Variants in FBXO45 observed in about 807,000 individuals in gnomAD.
The protein encoded by FBXO45 is F-box protein 45, also known as F-box/SPRY domain-containing protein 1.
A neutral mutation model predicts 25.5 loss-of-function variants in FBXO45; 3 were observed. That is an observed-to-expected ratio of 0.12 (90% CI 0.05 to 0.30). The LOEUF (loss-of-function observed/expected upper bound fraction) is 0.30. Among genes scored for constraint, FBXO45 ranks in the 10% least tolerant of loss-of-function variants. The probability of loss-of-function intolerance (pLI) is 1.00; values close to 1 mark genes in which losing one functional copy is unlikely to be tolerated. For missense variants in FBXO45, 219 were observed against 365.0 expected, an observed-to-expected ratio of 0.60 and a Z score of 3.26; for synonymous variants, 155 against 149.8, an observed-to-expected ratio of 1.03 and a Z score of -0.25.
At chr3:196,574,081 C>T (rs937337549) in intron 1 of FBXO45, among the ~76,000 whole-genome samples, 3 of 151,806 alleles carry the variant, frequency 2.0e-5, no homozygotes, top group African/African-American at 7.3e-5. Context: ...ATTACAGGAG[C>T]CTGCCACTAC....
At chr3:196,579,997 CTTTT>C (rs913449201) in intron 2 of FBXO45, among the ~76,000 whole-genome samples, 2 of 146,926 alleles carry the variant, frequency 1.4e-5, no homozygotes, top group South Asian at 2.1e-4. Context: ...CTGTCTCTGA[CTTTT>C]TTTTTTTGAG....
At chr3:196,578,922 C>T (rs1417959504) in intron 2 of FBXO45, among the ~76,000 whole-genome samples, 1 of 152,140 alleles carries the variant, frequency 6.6e-6, no homozygotes, top group Non-Finnish European at 1.5e-5. Flanking sequence ...TCTAGATGGT[C>T]ATCTTTCCTG....
At chr3:196,577,878 C>T in intron 2 of FBXO45, 69 bp downstream of exon 2, 6 of 1,033,024 alleles carry the variant, frequency 5.8e-6, no homozygotes, top group Non-Finnish European at 7.7e-6. Flanking sequence ...TTTAAATTTA[C>T]AAATTTTTAT....
At position 196,586,434 on chromosome 3, in the gene FBXO45, C is replaced by T. The variant is rs1357032140; in HGVS notation, c.*2116C>T. 1 of 152,160 alleles carries T rather than the reference C, an allele frequency of 6.6e-6. No individual in the cohort carries two copies. Among genetic ancestry groups the T allele is most frequent in the Non-Finnish European group, 1.5e-5 (1 of 68,036 alleles). 9.4% of individuals were successfully genotyped at this position (152,160 alleles called of 1,614,324 possible). Reference sequence around the variant, plus strand: ...CCTCAATATTTAACAACAAGCCATTCTTATCTCAAAGATTTAAATTCCCGA... The same window carrying T: ...CCTCAATATTTAACAACAAGCCATTTTTATCTCAAAGATTTAAATTCCCGA... On this transcript the variant is annotated 3_prime_UTR_variant, in exon 3 of 3. Transcript: ENST00000311630.
At chr3:196,574,949 T>C (rs1735888055) in intron 1 of FBXO45, among the ~76,000 whole-genome samples, 1 of 152,174 alleles carries the variant, frequency 6.6e-6, no homozygotes, top group African/African-American at 2.4e-5. Flanking sequence ...TTGCAGTTGG[T>C]GATGCTACTA....
In FBXO45 at chr3:196,569,321, A is replaced by G. The variant is rs902111991; in HGVS notation, c.318+19A>G. 15 of 1,499,304 alleles carry G rather than the reference A, an allele frequency of 1.0e-5. No homozygotes were observed. The highest frequency in any genetic ancestry group is 1.4e-5 in the African/African-American group (1 of 72,152). 92.9% of individuals were successfully genotyped at this position (1,499,304 alleles called of 1,614,324 possible). On this transcript the variant is annotated intron_variant, in intron 1 of 2. Transcript: ENST00000311630. This position sits in a 1 kb window ranked among gnomAD's most constrained non-coding sequence, Gnocchi z 4.1. ...GGCCAAGGTGAGAGAGCCCCGGGCC[A>G]CACCGCTGCCCCCAGTCCCGCTCCC...
chr3:196,577,566 A>C lies in FBXO45; in HGVS notation c.432A>C (p.Ala144=). The change falls in exon 2 of 3, where the codon GCA becomes GCC. Residue 144 remains alanine (A), a synonymous_variant. Transcript: ENST00000311630. ...RNPIAQSTDG[A]RTKIGFSEGR... Reference sequence around the variant, plus strand: ...CCATTGCTCAGAGCACTGATGGTGCAAGGACCAAGATTGGTTTCAGTGAGG... The same window carrying C: ...CCATTGCTCAGAGCACTGATGGTGCCAGGACCAAGATTGGTTTCAGTGAGG... The C allele has an allele frequency of 6.2e-7, 1 of 1,614,026 alleles. No individual in the cohort carries two copies. The highest frequency in any genetic ancestry group is 8.5e-7 in the Non-Finnish European group (1 of 1,179,888).
chr3:196,577,357 C>T (rs558006334), intron 1 of FBXO45, 96 bp from the exon 2 acceptor site: 14 of 906,322 alleles, frequency 1.5e-5, no homozygotes, highest in Admixed American at 6.1e-5. Flanking sequence ...TATATAACTT[C>T]GTTATTTAAA....
chr3:196,584,931 A>C lies in FBXO45; in HGVS notation c.*613A>C, dbSNP rs1736079944. 6.6e-6 allele frequency: 1 copy of C among 152,110 alleles called. No homozygotes were observed. Among genetic ancestry groups the C allele is most frequent in the Non-Finnish European group, 1.5e-5 (1 of 68,006 alleles). The allele number at this position is 152,110 out of a possible 1,614,324, so 9.4% of individuals were successfully genotyped here. ...AACAGGTTGTTTTGTTCTAGTTCTA[A>C]TTTCTTAAAAACCACTACATGGTTA... On this transcript the variant is annotated 3_prime_UTR_variant, in exon 3 of 3. Coordinates refer to ENST00000311630, the MANE Select transcript of FBXO45 (RefSeq NM_001105573.2). The surrounding 1 kb of genome is among the most constrained non-coding windows in gnomAD (Gnocchi z 4.3).
rs181929726 is a variant in FBXO45 at position 196,569,999 on chromosome 3, G to A, written c.318+697G>A. ...TCTCTTTTTCTATTTGTCATCTAAC[G>A]TGCTGATTACAGTTTCGCTGCATCC... On this transcript the variant is annotated intron_variant, in intron 1 of 2. Coordinates refer to ENST00000311630, the MANE Select transcript of FBXO45 (RefSeq NM_001105573.2). This position sits in a 1 kb window ranked among gnomAD's most constrained non-coding sequence, Gnocchi z 4.1. Among the ~76,000 whole-genome samples, 2 of 152,020 alleles carry A rather than the reference G, an allele frequency of 1.3e-5. No homozygotes were observed.
chr3:196,584,046 A>G lies in FBXO45; in HGVS notation c.676-87A>G, dbSNP rs565990312. On this transcript the variant is annotated intron_variant, in intron 2 of 2. Coordinates refer to ENST00000311630, the MANE Select transcript of FBXO45 (RefSeq NM_001105573.2). This position sits in a 1 kb window ranked among gnomAD's most constrained non-coding sequence, Gnocchi z 4.3. ...GATAGCTTTCAGGATAATATTCTTA[A>G]TATTTTCAACTTCTTGATTTGTGTC... The G allele has an allele frequency of 7.9e-7, 1 of 1,265,900 alleles. No homozygotes were observed. Among genetic ancestry groups the G allele is most frequent in the East Asian group, 2.4e-5 (1 of 42,514 alleles). The allele number at this position is 1,265,900 out of a possible 1,614,324, so 78.4% of individuals were successfully genotyped here. A position where few individuals can be genotyped will look rare whatever the true frequency, so the allele number is the denominator to read the frequency against.
chr3:196,570,659 G>A (rs1423719214), intron 1 of FBXO45, among the ~76,000 whole-genome samples: 1 of 151,868 alleles, frequency 6.6e-6, no homozygotes, highest in African/African-American at 2.4e-5. Flanking sequence ...TAGAAGATAG[G>A]GAACATTGCC....
chr3:196,572,111 G>A (rs550956649), intron 1 of FBXO45, among the ~76,000 whole-genome samples: 31 of 152,286 alleles, frequency 2.0e-4, no homozygotes, highest in Admixed American at 1.8e-3. Flanking sequence ...AAGATGAGGA[G>A]GAGTTTAGTA....
Position 196,588,715 on chromosome 3 carries a change from A to G in FBXO45, c.*4397A>G, listed in dbSNP as rs529425990. 45 of 152,336 alleles carry G rather than the reference A, an allele frequency of 3.0e-4. No individual in the cohort carries two copies. Among genetic ancestry groups the G allele is most frequent in the Admixed American group, 2.4e-3 (37 of 15,304 alleles). The allele number at this position is 152,336 out of a possible 1,614,324, so 9.4% of individuals were successfully genotyped here. A position where few individuals can be genotyped will look rare whatever the true frequency, so the allele number is the denominator to read the frequency against. Reference sequence around the variant, plus strand: ...CTTTGTGCCACAACATGTAAGCCCAATAGGCAGGTGCTCACATATTTGCTG... The same window carrying G: ...CTTTGTGCCACAACATGTAAGCCCAGTAGGCAGGTGCTCACATATTTGCTG... On this transcript the variant is annotated 3_prime_UTR_variant, in exon 3 of 3. Transcript: ENST00000311630. This position sits in a 1 kb window ranked among gnomAD's most constrained non-coding sequence, Gnocchi z 4.2.
rs957780050 is a variant in FBXO45, at chr3:196,584,135, A to G, written c.678A>G (p.Ile226Met). ...PQCNNAPKYQ[I>M]GERIRVILDM... Reference sequence around the variant, plus strand: ...AACCTTTTGATATCTGTTTGCAGATAGGAGAAAGAATTCGAGTCATCTTGG... The same window carrying G: ...AACCTTTTGATATCTGTTTGCAGATGGGAGAAAGAATTCGAGTCATCTTGG... The change falls in exon 3 of 3, where the codon ATA becomes ATG. Residue 226 changes from isoleucine (I) to methionine (M), a missense_variant and splice_region_variant. By Grantham distance (10) the Ile-to-Met change is conservative. Transcript: ENST00000311630. This position sits in a 1 kb window ranked among gnomAD's most constrained non-coding sequence, Gnocchi z 4.3. The G allele has an allele frequency of 6.2e-7, 1 of 1,613,614 alleles. No individual in the cohort carries two copies. The highest frequency in any genetic ancestry group is 8.5e-7 in the Non-Finnish European group (1 of 1,179,780).
At chr3:196,580,810 CA>C (rs2108728478) in intron 2 of FBXO45, among the ~76,000 whole-genome samples, 1 of 146,012 alleles carries the variant, frequency 6.8e-6, no homozygotes, top group Non-Finnish European at 1.5e-5. Flanking sequence ...CTCGCTCTGA[CA>C]CCTCGGCTGG....
chr3:196,588,549 C>G lies in FBXO45; in HGVS notation c.*4231C>G, dbSNP rs1230922678. The G allele has an allele frequency of 1.3e-5, 2 of 152,220 alleles. No homozygotes were observed. Among genetic ancestry groups the G allele is most frequent in the Non-Finnish European group, 2.9e-5 (2 of 68,044 alleles). The allele number at this position is 152,220 out of a possible 1,614,324, so 9.4% of individuals were successfully genotyped here. The stretch of plus-strand genomic sequence containing the variant: ...CTCAGTTTCTCTAGCTGAATGTAAT[C>G]TCTCCTTGAAATTTCCCTAGTTTTA... On this transcript the variant is annotated 3_prime_UTR_variant, in exon 3 of 3. Transcript: ENST00000311630. This position sits in a 1 kb window ranked among gnomAD's most constrained non-coding sequence, Gnocchi z 4.2.
rs1577601399 is a variant in FBXO45, at chr3:196,586,055, A to G, written c.*1737A>G. On this transcript the variant is annotated 3_prime_UTR_variant, in exon 3 of 3. Transcript: ENST00000311630. ...ATTCTTTTCGATGTCCAGGTTAAGA[A>G]GAAACCTCCTTGTATTGAGTGAAAT... 2 of 152,366 alleles carry G rather than the reference A, an allele frequency of 1.3e-5. No individual in the cohort carries two copies. The highest frequency in any genetic ancestry group is 2.1e-4 in the South Asian group (1 of 4,830). The allele number at this position is 152,366 out of a possible 1,614,324, so 9.4% of individuals were successfully genotyped here.
rs1560320882 is a variant in FBXO45 at position 196,586,180 on chromosome 3, G to A, written c.*1862G>A. 1 of 152,182 alleles carries A rather than the reference G, an allele frequency of 6.6e-6. No homozygotes were observed. The highest frequency in any genetic ancestry group is 1.5e-5 in the Non-Finnish European group (1 of 68,010). 9.4% of individuals were successfully genotyped at this position (152,182 alleles called of 1,614,324 possible). A position where few individuals can be genotyped will look rare whatever the true frequency, so the allele number is the denominator to read the frequency against. ...CAAAGTTTAAAATTTGATTAAACAA[G>A]AGAAGTGGTTCAGGTTGAAGATGGA... On this transcript the variant is annotated 3_prime_UTR_variant, in exon 3 of 3. Coordinates refer to ENST00000311630, the MANE Select transcript of FBXO45 (RefSeq NM_001105573.2).
Sources: gnomAD v4.1 joint callset for allele counts (sites outside exome capture counted in the v4.1 genomes callset) on GRCh38, gnomAD v4.1.1 for gene constraint, Gnocchi (gnomAD v3.1) non-coding constraint, MANE v1.5 for transcripts, NCBI Gene and HGNC (gene_info 2026-07-23, HGNC 2026-07-21) for gene names.